Variants in UNC13A observed in about 807,000 individuals in gnomAD.
UNC13A encodes unc-13 homolog A.
UNC13A carries 61 observed loss-of-function variants against 219.7 expected under a neutral mutation model. The ratio of observed to expected loss-of-function variants is 0.28; its 90% CI spans 0.23 to 0.34. The LOEUF is 0.34. UNC13A is among the 10% of genes least tolerant of loss of function. The pLI is 1.00. For missense variants in UNC13A, 1,476 were observed against 2,270.3 expected, an observed-to-expected ratio of 0.65 and a Z score of 7.11; for synonymous variants, 920 against 884.6, an observed-to-expected ratio of 1.04 and a Z score of -0.71.
At chr19:17,638,938 C>T (rs961695847) in intron 25 of UNC13A, 145 bp downstream of exon 25, 24 of 935,056 alleles carry the variant, frequency 2.6e-5, no homozygotes, top group Non-Finnish European at 3.4e-5. Context: ...CTCCCTAATC[C>T]TGAGATGTGG....
intron 22 of UNC13A, among the ~76,000 whole-genome samples, 181 bp downstream of exon 22, chr19:17,640,330 C>T (rs1356472736): frequency 2.6e-5 from 4 of 152,164 alleles, no homozygotes; most frequent in Non-Finnish European, 2.9e-5. Flanking sequence ...TGAGCCACTG[C>T]GCCCGACCTC....
chr19:17,615,949 G>A (rs931749847), intron 41 of UNC13A, among the ~76,000 whole-genome samples: 1 of 152,014 alleles, frequency 6.6e-6, no homozygotes, highest in Non-Finnish European at 1.5e-5. Flanking sequence ...TCCAGCCTAG[G>A]TGACAGAAGG....
chr19:17,647,485 C>T lies in UNC13A; in HGVS notation c.1824G>A (p.Ala608=). ...CCGCCCCGTGCTTGGAGCTCTTCTC[C>T]GCAGCCCCTGAGGACGCCCGAGGCC... ...LLNADCLQRA[A]EKSSKHGAED... The change falls in exon 17 of 44, where the codon GCG becomes GCA. Residue 608 remains alanine, a synonymous_variant. Coordinates refer to ENST00000519716, the MANE Select transcript of UNC13A (RefSeq NM_001080421.3). 6.2e-7 allele frequency: 1 copy of T among 1,612,406 alleles called. No individual in the cohort carries two copies. Among genetic ancestry groups the T allele is most frequent in the Admixed American group, 1.7e-5 (1 of 59,988 alleles).
chr19:17,657,764 G>C (rs1481868752), intron 9 of UNC13A, among the ~76,000 whole-genome samples: 1 of 151,934 alleles, frequency 6.6e-6, no homozygotes, highest in Non-Finnish European at 1.5e-5. Flanking sequence ...AGCTACTGGG[G>C]AGGCTGAGGC....
At chr19:17,629,535 C>T (rs1381145884) in intron 30 of UNC13A, among the ~76,000 whole-genome samples, 1 of 152,092 alleles carries the variant, frequency 6.6e-6, no homozygotes, top group African/African-American at 2.4e-5. Flanking sequence ...TATGTAGACC[C>T]AGCTCTTTTT....
rs533722538 is a variant in UNC13A at position 17,686,298 on chromosome 19, G to GCCCCCCCCCCCCC, written c.22+1867_22+1879dup. ...CGTCAGAGTTAAGGGTGAGATCCCC[G>GCCCCCCCCCCCCC]CCCCCCCCCCCCCCCCCCCACTCCA... On this transcript the variant is annotated intron_variant, in intron 1 of 43. Transcript: ENST00000519716. Among the ~76,000 whole-genome samples the GCCCCCCCCCCCCC allele has an allele frequency of 4.9e-5, 4 of 81,902 alleles. 1 individual carries two copies. The highest frequency in any genetic ancestry group is 1.8e-4 in the Admixed American group (1 of 5,436). The allele number at this position is 81,902 out of a possible 152,430, so 53.7% of individuals were successfully genotyped here.
intron 5 of UNC13A, among the ~76,000 whole-genome samples, 190 bp downstream of exon 5, chr19:17,669,363 C>T (rs368668624): frequency 3.3e-5 from 5 of 152,112 alleles, no homozygotes; most frequent in African/African-American, 4.8e-5. Context: ...GGTCATGGCC[C>T]GCACCCAGCA....
chr19:17,621,950 T>C (rs2076733702), intron 36 of UNC13A, 80 bp from the exon 37 acceptor site: 3 of 1,430,112 alleles, frequency 2.1e-6, no homozygotes, highest in African/African-American at 1.4e-5. Context: ...GGAATATTCA[T>C]GGGGATGGGG....
chr19:17,608,001 C>T (rs1158303840), intron 43 of UNC13A, among the ~76,000 whole-genome samples: 1 of 150,282 alleles, frequency 6.7e-6, no homozygotes, highest in Non-Finnish European at 1.5e-5. Context: ...TACCCCTCAC[C>T]CTCTGGAGTA....
chr19:17,676,603 A>G (rs1181699111), intron 1 of UNC13A, among the ~76,000 whole-genome samples: 1 of 151,872 alleles, frequency 6.6e-6, no homozygotes, highest in Non-Finnish European at 1.5e-5. Flanking sequence ...GGTCAGCAAG[A>G]CCTCTCCCTT....
At chr19:17,678,528 G>T (rs967849181) in intron 1 of UNC13A, among the ~76,000 whole-genome samples, 1 of 152,112 alleles carries the variant, frequency 6.6e-6, no homozygotes, top group African/African-American at 2.4e-5. Context: ...CCCTGGGCAA[G>T]TGAACCCCTC....
Position 17,661,104 on chromosome 19 carries a change from C to CTTT in UNC13A, c.559+2425_559+2427dup, listed in dbSNP as rs11287808. 1.3e-4 allele frequency among the ~76,000 whole-genome samples: 17 copies of CTTT among 135,392 alleles called. 1 individual carries two copies. Among genetic ancestry groups the CTTT allele is most frequent in the African/African-American group, 4.4e-4 (16 of 36,610 alleles). 88.8% of individuals were successfully genotyped at this position (135,392 alleles called of 152,430 possible). A position where few individuals can be genotyped will look rare whatever the true frequency, so the allele number is the denominator to read the frequency against. ...CAGGGGCGTGCCACCACACCCGGCC[C>CTTT]TTTTTTTTTTTTTTTGTAGAGATGG... is the stretch of plus-strand genomic sequence containing the variant. On this transcript the variant is annotated intron_variant, in intron 8 of 43. Transcript: ENST00000519716.
rs1018146131 is a variant in UNC13A, at chr19:17,624,655, G to GC, written c.4197+173dup. On this transcript the variant is annotated intron_variant, in intron 35 of 43. Transcript: ENST00000519716. ...GTGTGAACTCTCTGACCTCTGAATG[G>GC]CCCCCCACTGACCTCTGGTGGCTTC... Among the ~76,000 whole-genome samples, 7 of 152,016 alleles carry GC rather than the reference G, an allele frequency of 4.6e-5. No individual in the cohort carries two copies. In the South Asian group the frequency reaches 6.3e-4, roughly 14 times the overall value.
chr19:17,650,933 ATTTTTTTTT>A (rs34451347), intron 12 of UNC13A, among the ~76,000 whole-genome samples: 1 of 128,286 alleles, frequency 7.8e-6, no homozygotes, highest in Non-Finnish European at 1.6e-5. Flanking sequence ...CACCCAGCAA[ATTTTTTTTT>A]TTTTTTTTTT....
intron 3 of UNC13A, among the ~76,000 whole-genome samples, chr19:17,673,965 T>G (rs1433819113): frequency 1.3e-5 from 2 of 152,146 alleles, no homozygotes; most frequent in African/African-American, 4.8e-5. Flanking sequence ...GAGCCGAGAT[T>G]ATGCCACTGT....
intron 20 of UNC13A, 74 bp from the exon 21 acceptor site, chr19:17,641,630 G>A: frequency 2.0e-6 from 3 of 1,473,430 alleles, no homozygotes; most frequent in Non-Finnish European, 2.8e-6. Flanking sequence ...AGGGTCTGGG[G>A]CAGCTTACAT....
intron 28 of UNC13A, among the ~76,000 whole-genome samples, chr19:17,631,144 G>GTC (rs1555778832): frequency 2.7e-4 from 29 of 106,642 alleles, no homozygotes; most frequent in African/African-American, 4.4e-4. Context: ...TATTCTCTGA[G>GTC]CTCTTGTTTT....
Position 17,656,212 on chromosome 19 carries a change from G to T in UNC13A, c.954C>A (p.Asp318Glu). Reference sequence around the variant, plus strand: ...CCTCCTCCAGCTCTTCCTCATCCTGGTCCCAGCGAGGCGAGTCTTTGTGGT... The same window carrying T: ...CCTCCTCCAGCTCTTCCTCATCCTGTTCCCAGCGAGGCGAGTCTTTGTGGT... ...VSYHKDSPRW[D>E]QDEEELEEDL... Residue 318 changes from aspartate to glutamate, a missense_variant, in exon 10 of 44, where the codon GAC (aspartate) becomes GAA (glutamate). Asp to Glu is a conservative substitution (Grantham distance 45). Around this residue, in one of 14 missense-constraint regions of UNC13A, gnomAD observed 351 missense variants for 342.6 expected, o/e 1.02. Transcript: ENST00000519716. The T allele has an allele frequency of 6.4e-7, 1 of 1,552,098 alleles. No homozygotes were observed. Among genetic ancestry groups the T allele is most frequent in the South Asian group, 1.2e-5 (1 of 84,046 alleles).
Position 17,606,237 on chromosome 19 carries a change from C to G in UNC13A, c.4929G>C (p.Leu1643=), listed in dbSNP as rs2076526919. 3 of 1,548,386 alleles carry G rather than the reference C, an allele frequency of 1.9e-6. No homozygotes were observed. The Admixed American group carries it at 5.9e-5, about 30-fold the overall frequency. The change falls in exon 44 of 44, where the codon CTG becomes CTC. Residue 1643 remains leucine, a synonymous_variant. Coordinates refer to ENST00000519716, the MANE Select transcript of UNC13A (RefSeq NM_001080421.3). The part of the protein sequence containing the change: ...VGLAVLQLRE[L]AQRGSAACWL... ...AGCAGGCGGCGCTCCCGCGCTGGGCCAGCTCACGCAGCTGCAGCACGGCCA... is the reference window on the plus strand; with the variant it reads ...AGCAGGCGGCGCTCCCGCGCTGGGCGAGCTCACGCAGCTGCAGCACGGCCA...
Sources: gnomAD v4.1 joint callset for allele counts (sites outside exome capture counted in the v4.1 genomes callset) on GRCh38, gnomAD v4.1.1 for gene constraint, gnomAD v4.1.1 regional missense constraint, MANE v1.5 for transcripts, NCBI Gene and HGNC (gene_info 2026-07-23, HGNC 2026-07-21) for gene names.